Variants in SUPT3H observed in about 807,000 individuals in gnomAD.
SUPT3H encodes the protein SPT3 homolog, SAGA and STAGA complex component.
In SUPT3H, 44 loss-of-function variants were observed where a neutral mutation model predicts 44.3. The observed-to-expected ratio is 0.99, with a 90% CI of 0.78 to 1.28. The LOEUF (loss-of-function observed/expected upper bound fraction) is 1.28, where lower values mean the gene tolerates loss of function less well. Among genes scored for constraint, SUPT3H ranks in the 50% most tolerant of loss-of-function variants. The probability of loss-of-function intolerance (pLI) is 0.00; values close to 1 mark genes in which losing one functional copy is unlikely to be tolerated. For synonymous variants in SUPT3H, 124 were observed against 125.6 expected (o/e 0.99, Z 0.09); for missense variants, 380 against 387.1 (o/e 0.98, Z 0.15).
intron 9 of SUPT3H, among the ~76,000 whole-genome samples, chr6:44,940,428 T>G (rs1219542995): frequency 6.6e-6 from 1 of 152,094 alleles, no homozygotes; most frequent in Admixed American, 6.5e-5. Context: ...AAAAATCTCT[T>G]AAGACTTGTT....
chr6:45,233,218 T>G (rs1476476616), intron 2 of SUPT3H, among the ~76,000 whole-genome samples: 1 of 152,188 alleles, frequency 6.6e-6, no homozygotes, highest in Non-Finnish European at 1.5e-5. Context: ...CTTCAGCACT[T>G]TTGGGCTGGG....
At chr6:45,079,278 C>T (rs537149283) in intron 3 of SUPT3H, among the ~76,000 whole-genome samples, 1 of 152,142 alleles carries the variant, frequency 6.6e-6, no homozygotes, top group Middle Eastern at 3.4e-3. Flanking sequence ...CTACCGCACT[C>T]CAGCCTGGGC....
At chr6:45,122,185 C>T (rs1053761450) in intron 2 of SUPT3H, among the ~76,000 whole-genome samples, 1 of 152,138 alleles carries the variant, frequency 6.6e-6, no homozygotes, top group African/African-American at 2.4e-5. Context: ...CTAGAGCCTA[C>T]AATAATCTAT....
intron 2 of SUPT3H, chr6:45,328,445 G>A (rs748531347): frequency 1.6e-5 from 24 of 1,457,112 alleles, no homozygotes; most frequent in Middle Eastern, 1.9e-4. Flanking sequence ...ACCAGCCACC[G>A]AGACCAACAG....
rs539191533 is a variant in SUPT3H, at chr6:44,845,104, AG to A, written c.913-15248del. ...GTTCATTAGAAAGTCCCAGTTGAAT[AG>A]AAAAATTATATGACTAGAGTTCCTT... is the stretch of plus-strand genomic sequence containing the variant. On this transcript the variant is annotated intron_variant, in intron 10 of 10. Coordinates refer to ENST00000371459, the MANE Select transcript of SUPT3H (RefSeq NM_003599.4). Among the ~76,000 whole-genome samples, 1,376 of 152,328 alleles carry A rather than the reference AG, an allele frequency of 9.0e-3. 14 individuals are homozygous for A. The highest frequency in any genetic ancestry group is 0.029 in the South Asian group (138 of 4,828).
chr6:44,998,409 T>C (rs958736533), intron 6 of SUPT3H, among the ~76,000 whole-genome samples: 2 of 151,986 alleles, frequency 1.3e-5, no homozygotes, highest in Non-Finnish European at 2.9e-5. Flanking sequence ...GTTACTAAAT[T>C]ATCGAGCATC....
At chr6:45,366,575 C>T (rs1043520958) in intron 1 of SUPT3H, among the ~76,000 whole-genome samples, 1 of 152,122 alleles carries the variant, frequency 6.6e-6, no homozygotes, top group Non-Finnish European at 1.5e-5. Flanking sequence ...CTGCTAAAAA[C>T]TTTTATATAA....
intron 2 of SUPT3H, among the ~76,000 whole-genome samples, chr6:45,270,513 C>T (rs1775943636): frequency 1.3e-5 from 2 of 152,158 alleles, no homozygotes; most frequent in South Asian, 4.2e-4. Flanking sequence ...TCTCTCTTAG[C>T]CTGCAGCCAA....
chr6:45,037,872 A>G (rs1787923941), intron 3 of SUPT3H, among the ~76,000 whole-genome samples: 1 of 151,184 alleles, frequency 6.6e-6, no homozygotes, highest in Non-Finnish European at 1.5e-5. Flanking sequence ...TTTATTTTCT[A>G]TAACTTTCTG....
At chr6:45,217,059 C>T (rs983047650) in intron 2 of SUPT3H, among the ~76,000 whole-genome samples, 1 of 152,060 alleles carries the variant, frequency 6.6e-6, no homozygotes, top group African/African-American at 2.4e-5. Context: ...GATCATTACA[C>T]ATTGTATTTA....
At chr6:44,926,751 G>A (rs1304237149) in intron 10 of SUPT3H, among the ~76,000 whole-genome samples, 4 of 152,120 alleles carry the variant, frequency 2.6e-5, no homozygotes, top group Non-Finnish European at 4.4e-5. Context: ...AGGTCGTCAT[G>A]AGGCCTGTGT....
At chr6:45,183,087 G>A (rs1267176915) in intron 2 of SUPT3H, among the ~76,000 whole-genome samples, 1 of 152,174 alleles carries the variant, frequency 6.6e-6, no homozygotes, top group African/African-American at 2.4e-5. Flanking sequence ...GTGTCAAAAG[G>A]TGAATGGATA....
chr6:44,908,141 T>A (rs909170312), intron 10 of SUPT3H, among the ~76,000 whole-genome samples: 1 of 150,210 alleles, frequency 6.7e-6, no homozygotes, highest in African/African-American at 2.4e-5. Flanking sequence ...TAGAAATAAC[T>A]TTTTTTTCTT....
intron 2 of SUPT3H, among the ~76,000 whole-genome samples, chr6:45,201,066 C>T (rs999156219): frequency 6.6e-6 from 1 of 151,518 alleles, no homozygotes; most frequent in East Asian, 1.9e-4. Flanking sequence ...AAAATATTTT[C>T]TGATGATTAG....
intron 2 of SUPT3H, among the ~76,000 whole-genome samples, chr6:45,127,376 A>T (rs1366776878): frequency 6.6e-6 from 1 of 152,200 alleles, no homozygotes; most frequent in African/African-American, 2.4e-5. Context: ...CTGTCATCAT[A>T]CAGTGACATC....
chr6:45,007,735 C>G (rs948488065), intron 5 of SUPT3H, among the ~76,000 whole-genome samples: 3 of 149,524 alleles, frequency 2.0e-5, no homozygotes, highest in Admixed American at 6.6e-5. Flanking sequence ...TATTCCCCCC[C>G]ACTTTTTTTT....
chr6:44,917,493 C>G (rs1164861745), intron 10 of SUPT3H, among the ~76,000 whole-genome samples: 1 of 152,194 alleles, frequency 6.6e-6, no homozygotes, highest in Non-Finnish European at 1.5e-5. Context: ...TAGTGATTTT[C>G]TATTAGCAGC....
intron 1 of SUPT3H, among the ~76,000 whole-genome samples, chr6:45,373,312 G>C (rs913770506): frequency 6.6e-6 from 1 of 152,006 alleles, no homozygotes; most frequent in African/African-American, 2.4e-5. Context: ...TATTTTCAGA[G>C]GGAGAACTAC....
At chr6:45,343,906 T>C (rs557885662) in intron 2 of SUPT3H, among the ~76,000 whole-genome samples, 4 of 152,320 alleles carry the variant, frequency 2.6e-5, no homozygotes, top group African/African-American at 9.6e-5. Flanking sequence ...GACCTCCACC[T>C]GACAGGTCTA....
Sources: gnomAD v4.1 joint callset for allele counts (sites outside exome capture counted in the v4.1 genomes callset) on GRCh38, gnomAD v4.1.1 for gene constraint, MANE v1.5 for transcripts, NCBI Gene and HGNC (gene_info 2026-07-23, HGNC 2026-07-21) for gene names.